Variants in LRMDA observed in about 807,000 individuals in gnomAD.
The protein encoded by LRMDA is leucine-rich melanocyte differentiation-associated protein.
In LRMDA, 18 loss-of-function variants were observed where a neutral mutation model predicts 29.8. The ratio of observed to expected loss-of-function variants is 0.60; its 90% confidence interval spans 0.42 to 0.90. The LOEUF is 0.90. LRMDA is among the 40% of genes least tolerant of loss of function. LRMDA has a pLI of 0.00. For synonymous variants in LRMDA, 125 were observed against 109.4 expected (o/e 1.14, Z -0.89); for missense variants, 273 against 273.9 (o/e 1.00, Z 0.02).
rs1300575945 is a variant in LRMDA at position 76,559,288 on chromosome 10, C to A, written c.*2000C>A. The stretch of plus-strand genomic sequence containing the variant: ...TTTTTAATGTCAGAACCATTTGTAT[C>A]ATGCGCAGGAATGTCTCCCTCAATG... On this transcript the variant is annotated 3_prime_UTR_variant, in exon 7 of 7. Transcript: ENST00000611255. 6.6e-6 allele frequency: 1 copy of A among 152,152 alleles called. No individual in the cohort carries two copies. Among genetic ancestry groups the A allele is most frequent in the African/African-American group, 2.4e-5 (1 of 41,448 alleles). 9.4% of individuals were successfully genotyped at this position (152,152 alleles called of 1,614,324 possible). A position where few individuals can be genotyped will look rare whatever the true frequency, so the allele number is the denominator to read the frequency against.
chr10:75,634,987 G>A (rs1841373363), intron 2 of LRMDA, among the ~76,000 whole-genome samples: 1 of 152,152 alleles, frequency 6.6e-6, no homozygotes, highest in South Asian at 2.1e-4. Context: ...TTATCAAGTT[G>A]AAATCCCATG....
chr10:75,838,142 C>T (rs1844474555), intron 2 of LRMDA, among the ~76,000 whole-genome samples: 1 of 152,072 alleles, frequency 6.6e-6, no homozygotes, highest in South Asian at 2.1e-4. Context: ...ATAACATTAT[C>T]AGGAGGGGAA....
chr10:76,185,068 A>G (rs977913270), intron 5 of LRMDA, among the ~76,000 whole-genome samples: 4 of 152,172 alleles, frequency 2.6e-5, no homozygotes, highest in Admixed American at 1.3e-4. Context: ...CCTTTAGGAT[A>G]TTGGCTTTGT....
At chr10:75,970,826 C>T (rs1846953899) in intron 2 of LRMDA, among the ~76,000 whole-genome samples, 1 of 152,200 alleles carries the variant, frequency 6.6e-6, no homozygotes, top group Non-Finnish European at 1.5e-5. Flanking sequence ...ACAAGAAGCT[C>T]TTGAGTCCTA....
chr10:75,719,921 G>A (rs1196480991), intron 2 of LRMDA, among the ~76,000 whole-genome samples: 2 of 152,122 alleles, frequency 1.3e-5, no homozygotes, highest in African/African-American at 4.8e-5. Flanking sequence ...TTTTAATGTT[G>A]GATGGTTCAC....
intron 6 of LRMDA, among the ~76,000 whole-genome samples, chr10:76,408,488 T>C (rs1841925363): frequency 6.6e-6 from 1 of 152,208 alleles, no homozygotes; most frequent in African/African-American, 2.4e-5. Context: ...CCTATGCACA[T>C]GGTTCTAGAA....
At chr10:76,112,454 CG>C (rs1247407067) in intron 5 of LRMDA, among the ~76,000 whole-genome samples, 7 of 152,222 alleles carry the variant, frequency 4.6e-5, no homozygotes, top group African/African-American at 1.7e-4. Flanking sequence ...ATCAGGGTTC[CG>C]CTCGCCTCTT....
intron 5 of LRMDA, among the ~76,000 whole-genome samples, chr10:76,288,965 G>A (rs150161680): frequency 4.6e-4 from 70 of 152,202 alleles, no homozygotes; most frequent in African/African-American, 1.5e-3. Flanking sequence ...TAGTAGTTAT[G>A]GAAACAAACA....
chr10:75,586,291 T>C (rs1366958716), intron 2 of LRMDA, among the ~76,000 whole-genome samples: 4 of 149,672 alleles, frequency 2.7e-5, no homozygotes, highest in Non-Finnish European at 4.5e-5. Flanking sequence ...CAGTTTTGCA[T>C]GCCCACTAAC....
At chr10:75,470,262 C>T (rs1478748586) in intron 2 of LRMDA, among the ~76,000 whole-genome samples, 2 of 152,124 alleles carry the variant, frequency 1.3e-5, no homozygotes, top group African/African-American at 2.4e-5. Context: ...TTTGGGAGGC[C>T]GAGGCAGGCA....
At chr10:75,783,004 A>G (rs1843411776) in intron 2 of LRMDA, 3 of 1,614,168 alleles carry the variant, frequency 1.9e-6, no homozygotes, top group African/African-American at 1.3e-5. Context: ...CTCAGCGGCA[A>G]TCATTCTTCA....
chr10:76,475,558 A>C (rs1240576937), intron 6 of LRMDA, among the ~76,000 whole-genome samples: 1 of 152,070 alleles, frequency 6.6e-6, no homozygotes, highest in African/African-American at 2.4e-5. Context: ...CCTAATAGAC[A>C]TCTACAGAAC....
chr10:76,380,395 C>T (rs2132470285), intron 6 of LRMDA, among the ~76,000 whole-genome samples: 1 of 152,152 alleles, frequency 6.6e-6, no homozygotes, highest in East Asian at 1.9e-4. Flanking sequence ...ATAGGCCAGG[C>T]ATGATGGCTC....
intron 5 of LRMDA, among the ~76,000 whole-genome samples, chr10:76,061,948 G>A (rs1468748766): frequency 2.0e-5 from 3 of 152,114 alleles, no homozygotes; most frequent in Non-Finnish European, 4.4e-5. Context: ...TAATAAATTG[G>A]CATTAAAAAG....
chr10:76,271,966 A>G (rs1387686683), intron 5 of LRMDA, among the ~76,000 whole-genome samples: 1 of 152,184 alleles, frequency 6.6e-6, no homozygotes, highest in African/African-American at 2.4e-5. Flanking sequence ...AGGGGCCCTG[A>G]TTTATGTGTG....
Position 76,062,012 on chromosome 10 carries a change from G to C in LRMDA, c.516+3229G>C, listed in dbSNP as rs182922480. Reference sequence around the variant, plus strand: ...CAGACATATGTTTGTTCCCATGCAGGTGTGTATACCCGCTTCCGTCTCTGT... The same window carrying C: ...CAGACATATGTTTGTTCCCATGCAGCTGTGTATACCCGCTTCCGTCTCTGT... On this transcript the variant is annotated intron_variant, in intron 5 of 6. Transcript: ENST00000611255. Among the ~76,000 whole-genome samples, 16 of 152,294 alleles carry C rather than the reference G, an allele frequency of 1.1e-4. No homozygotes were observed. In the East Asian group the frequency reaches 3.1e-3, roughly 29 times the overall value.
At chr10:76,478,293 A>C (rs868710220) in intron 6 of LRMDA, among the ~76,000 whole-genome samples, 1 of 152,244 alleles carries the variant, frequency 6.6e-6, no homozygotes, top group African/African-American at 2.4e-5. Context: ...AGACACGTGA[A>C]AAAATGCTCA....
chr10:75,457,250 T>C (rs1844529447), intron 2 of LRMDA, among the ~76,000 whole-genome samples: 1 of 152,246 alleles, frequency 6.6e-6, no homozygotes, highest in Non-Finnish European at 1.5e-5. Context: ...TGTATTCTAT[T>C]TGATGCATGT....
intron 2 of LRMDA, among the ~76,000 whole-genome samples, chr10:75,553,057 T>C (rs1840171638): frequency 1.3e-5 from 2 of 152,232 alleles, no homozygotes; most frequent in African/African-American, 4.8e-5. Flanking sequence ...CTGGTAATGT[T>C]GACTACTTTA....
Sources: allele counts gnomAD v4.1 joint callset (sites outside exome capture counted in the v4.1 genomes callset), GRCh38; gene constraint gnomAD v4.1.1; transcripts MANE v1.5; gene names NCBI Gene and HGNC (gene_info 2026-07-23, HGNC 2026-07-21).